The following PDE4D variants were observed in gnomAD, a reference collection of about 807,000 sequenced individuals.
The protein encoded by PDE4D is phosphodiesterase 4D.
PDE4D carries 24 observed loss-of-function variants against 87.4 expected under a neutral mutation model. That is an observed-to-expected ratio of 0.27 (90% CI 0.20 to 0.39). The LOEUF is 0.39. PDE4D is among the 10% of genes least tolerant of loss of function. PDE4D has a pLI of 1.00. For missense variants in PDE4D, 714 were observed against 1,041.0 expected (o/e 0.69, Z 4.32); for synonymous variants, 384 against 383.2 (o/e 1.00, Z -0.02).
At chr5:59,413,660 C>T (rs572219362) in intron 1 of PDE4D, among the ~76,000 whole-genome samples, 3 of 152,078 alleles carry the variant, frequency 2.0e-5, no homozygotes, top group Non-Finnish European at 4.4e-5. Context: ...GATAATCTCA[C>T]AGATGTGATA....
At chr5:59,847,561 C>G (rs1447446294) in intron 1 of PDE4D, among the ~76,000 whole-genome samples, 1 of 152,032 alleles carries the variant, frequency 6.6e-6, no homozygotes, top group African/African-American at 2.4e-5. Context: ...AGTCATGGTA[C>G]CTTTTAGAAA....
intron 1 of PDE4D, among the ~76,000 whole-genome samples, chr5:59,702,280 C>T (rs1580528123): frequency 1.3e-5 from 2 of 152,168 alleles, no homozygotes; most frequent in East Asian, 1.9e-4. Context: ...CCCACCACCA[C>T]ACCCGGCTAA....
At chr5:59,720,903 C>A (rs1361671741) in intron 1 of PDE4D, among the ~76,000 whole-genome samples, 2 of 152,072 alleles carry the variant, frequency 1.3e-5, no homozygotes. Context: ...CCATTATTTG[C>A]TTGATAAGAA....
At chr5:59,246,652 CTTA>C (rs1758901983) in intron 1 of PDE4D, among the ~76,000 whole-genome samples, 2 of 152,214 alleles carry the variant, frequency 1.3e-5, no homozygotes, top group South Asian at 4.1e-4. Flanking sequence ...TATGGTTGCT[CTTA>C]TTGAGGAAAG....
chr5:60,238,035 C>T (rs1746626467), intron 1 of PDE4D, among the ~76,000 whole-genome samples: 1 of 151,904 alleles, frequency 6.6e-6, no homozygotes, highest in South Asian at 2.1e-4. Context: ...GATTTCCACC[C>T]TCTTTTAATT....
At chr5:59,203,585 T>G (rs1748032213) in intron 2 of PDE4D, among the ~76,000 whole-genome samples, 2 of 151,904 alleles carry the variant, frequency 1.3e-5, no homozygotes, top group South Asian at 4.2e-4. Context: ...TGGAATCAAC[T>G]TAAGTGTCTA....
chr5:60,250,079 T>A (rs1748254277), intron 1 of PDE4D, among the ~76,000 whole-genome samples: 1 of 152,002 alleles, frequency 6.6e-6, no homozygotes, highest in Non-Finnish European at 1.5e-5. Context: ...ATAGAAAATG[T>A]ATATTTTCTG....
rs987717156 is a variant in PDE4D at position 60,047,236 on chromosome 5, C to T, written c.43-58519G>A. 3.8e-3 allele frequency among the ~76,000 whole-genome samples: 573 copies of T among 152,026 alleles called. 3 individuals are homozygous for T. The highest frequency in any genetic ancestry group is 5.1e-3 in the Non-Finnish European group (346 of 67,966). ...ATATCCCCTTTATCATTTTTTATTG[C>T]GTCTATTTGATTCTTCTCTCTTTTT... On this transcript the variant is annotated intron_variant, in intron 2 of 16. Transcript: ENST00000502484.
intron 1 of PDE4D, among the ~76,000 whole-genome samples, chr5:60,253,333 G>T (rs989541388): frequency 1.4e-4 from 21 of 151,946 alleles, no homozygotes; most frequent in Middle Eastern, 3.4e-3. Context: ...CATCCCCCAG[G>T]CATGCTAGAA....
At chr5:59,152,214 C>A (rs986638766) in intron 5 of PDE4D, among the ~76,000 whole-genome samples, 1 of 152,014 alleles carries the variant, frequency 6.6e-6, no homozygotes, top group East Asian at 1.9e-4. Context: ...CATGCATGCC[C>A]AGTCTTAGCA....
At chr5:59,781,622 C>T (rs1258549491) in intron 1 of PDE4D, among the ~76,000 whole-genome samples, 1 of 151,610 alleles carries the variant, frequency 6.6e-6, no homozygotes, top group Non-Finnish European at 1.5e-5. Context: ...CTCATCTCTA[C>T]TAAAAATGCA....
intron 1 of PDE4D, among the ~76,000 whole-genome samples, chr5:59,450,171 T>G (rs1798928889): frequency 6.6e-6 from 1 of 152,222 alleles, no homozygotes. Context: ...ATTAGCATTT[T>G]TAAGGCAAAA....
At chr5:59,577,319 C>T (rs1823336431) in intron 1 of PDE4D, among the ~76,000 whole-genome samples, 1 of 152,016 alleles carries the variant, frequency 6.6e-6, no homozygotes, top group Non-Finnish European at 1.5e-5. Flanking sequence ...AAGCAAAATA[C>T]CCAAGGTAGA....
At chr5:60,444,453 G>A (rs1023328621) in intron 1 of PDE4D, among the ~76,000 whole-genome samples, 1 of 152,136 alleles carries the variant, frequency 6.6e-6, no homozygotes, top group African/African-American at 2.4e-5. Flanking sequence ...TATAGTACCA[G>A]TAGAGGAGGA....
At chr5:60,460,019 A>G (rs2150169505) in intron 1 of PDE4D, 3 of 1,199,206 alleles carry the variant, frequency 2.5e-6, no homozygotes, top group Non-Finnish European at 3.7e-6. Context: ...GGAACCAAGT[A>G]GTACTGTAAT....
chr5:59,951,803 G>A (rs1758319656), intron 3 of PDE4D, among the ~76,000 whole-genome samples: 1 of 152,142 alleles, frequency 6.6e-6, no homozygotes, highest in Admixed American at 6.5e-5. Context: ...CCAGTGGGAT[G>A]TTTCCTCTAA....
intron 1 of PDE4D, among the ~76,000 whole-genome samples, chr5:60,191,605 G>C (rs893189478): frequency 6.6e-6 from 1 of 152,140 alleles, no homozygotes; most frequent in African/African-American, 2.4e-5. Context: ...GCCCAGTCTT[G>C]AGCAGTTCTT....
intron 1 of PDE4D, among the ~76,000 whole-genome samples, chr5:59,549,229 T>C (rs892707449): frequency 5.3e-5 from 8 of 152,178 alleles, no homozygotes; most frequent in African/African-American, 1.9e-4. Context: ...TTTCTACCAT[T>C]GTATATGGCC....
intron 1 of PDE4D, among the ~76,000 whole-genome samples, chr5:59,436,790 AT>A (rs1220930329): frequency 1.3e-5 from 2 of 152,150 alleles, no homozygotes; most frequent in Non-Finnish European, 2.9e-5. Context: ...TCAAAATATT[AT>A]TTTACTATTA....
Sources: gnomAD v4.1 joint callset for allele counts (sites outside exome capture counted in the v4.1 genomes callset) on GRCh38, gnomAD v4.1.1 for gene constraint, MANE v1.5 for transcripts, NCBI Gene and HGNC (gene_info 2026-07-23, HGNC 2026-07-21) for gene names.